Variants in MYOT observed in about 807,000 individuals in gnomAD.
MYOT encodes the protein myotilin.
A neutral mutation model predicts 58.0 loss-of-function variants in MYOT; 36 were observed. The observed-to-expected ratio is 0.62, with a 90% CI of 0.48 to 0.82. The LOEUF is 0.82. MYOT is among the 40% of genes least tolerant of loss of function. The probability of loss-of-function intolerance (pLI) is 0.00; values close to 1 mark genes in which losing one functional copy is unlikely to be tolerated. For missense variants in MYOT, 505 were observed against 592.1 expected, an observed-to-expected ratio of 0.85 and a Z score of 1.53; for synonymous variants, 218 against 204.6, an observed-to-expected ratio of 1.07 and a Z score of -0.56.
chr5:137,884,589 A>T (rs1755537545), intron 7 of MYOT, among the ~76,000 whole-genome samples: 1 of 152,166 alleles, frequency 6.6e-6, no homozygotes. Flanking sequence ...GAGTATCCCT[A>T]ATCCAAAAAT....
intron 7 of MYOT, among the ~76,000 whole-genome samples, chr5:137,885,646 C>T (rs945055831): frequency 6.6e-6 from 1 of 151,682 alleles, no homozygotes; most frequent in Non-Finnish European, 1.5e-5. Context: ...GTGGTGCACA[C>T]CTGTAATCCC....
At chr5:137,877,689 T>C (rs1755277446) in intron 4 of MYOT, 68 bp downstream of exon 4, 4 of 1,115,862 alleles carry the variant, frequency 3.6e-6, no homozygotes, top group Middle Eastern at 2.0e-4. Context: ...CTTTTCTAAA[T>C]GCTTATAAAT....
In MYOT at chr5:137,877,064, T is replaced by G. The variant is rs1755246873; in HGVS notation, c.532-456T>G. ...AAATGCTTTGAATGGAAGAAAAGACTTTAAAAAAAAAAAAATAGAATCAGC... is the reference window on the plus strand; with the variant it reads ...AAATGCTTTGAATGGAAGAAAAGACGTTAAAAAAAAAAAAATAGAATCAGC... On this transcript the variant is annotated intron_variant, in intron 3 of 9. Coordinates refer to ENST00000239926, the MANE Select transcript of MYOT (RefSeq NM_006790.3). Among the ~76,000 whole-genome samples, 3 of 147,150 alleles carry G rather than the reference T, an allele frequency of 2.0e-5. No homozygotes were observed. In the South Asian group the frequency reaches 6.3e-4, roughly 31 times the overall value.
At chr5:137,874,892 G>A (rs1369179339) in intron 2 of MYOT, among the ~76,000 whole-genome samples, 1 of 152,188 alleles carries the variant, frequency 6.6e-6, no homozygotes, top group Non-Finnish European at 1.5e-5. Context: ...CAATGACTGT[G>A]TAGACTCCAT....
chr5:137,883,179 A>G (rs1580863716), intron 6 of MYOT: 8 of 563,324 alleles, frequency 1.4e-5, no homozygotes, highest in Non-Finnish European at 2.2e-5. Context: ...ATGGTTTGAG[A>G]CAGTCTAAAA....
chr5:137,876,887 G>A (rs187190105), intron 3 of MYOT, among the ~76,000 whole-genome samples: 8 of 152,166 alleles, frequency 5.3e-5, no homozygotes, highest in Non-Finnish European at 1.0e-4. Context: ...AAGCTGACTG[G>A]AACATGCAGA....
chr5:137,882,491 C>A (rs1755469362), intron 6 of MYOT, among the ~76,000 whole-genome samples: 1 of 151,762 alleles, frequency 6.6e-6, no homozygotes. Flanking sequence ...CTCTGTCACC[C>A]AGGCTGGAGT....
At chr5:137,878,053 G>A (rs1411361992) in intron 4 of MYOT, among the ~76,000 whole-genome samples, 1 of 152,032 alleles carries the variant, frequency 6.6e-6, no homozygotes, top group Non-Finnish European at 1.5e-5. Context: ...TGGTACTAAT[G>A]AAACATCCAA....
At chr5:137,871,703 C>A (rs573378173) in intron 2 of MYOT, among the ~76,000 whole-genome samples, 1 of 152,270 alleles carries the variant, frequency 6.6e-6, no homozygotes, top group African/African-American at 2.4e-5. Flanking sequence ...AATACTGGGG[C>A]CTTATGTAAA....
chr5:137,885,285 G>T (rs536347307), intron 7 of MYOT, among the ~76,000 whole-genome samples: 12 of 152,034 alleles, frequency 7.9e-5, no homozygotes, highest in Admixed American at 6.6e-4. Context: ...TATTTTGTGT[G>T]GTAGACACAA....
intron 4 of MYOT, among the ~76,000 whole-genome samples, chr5:137,878,157 C>T (rs1755293006): frequency 6.6e-6 from 1 of 151,578 alleles, no homozygotes; most frequent in South Asian, 2.1e-4. Context: ...CAAATGTATC[C>T]TTTCCAAGAA....
chr5:137,868,945 T>C (rs1754956051), intron 1 of MYOT, among the ~76,000 whole-genome samples: 1 of 152,236 alleles, frequency 6.6e-6, no homozygotes, highest in South Asian at 2.1e-4. Flanking sequence ...TTAAGGAATA[T>C]TTAACTTTTT....
chr5:137,884,666 G>C (rs1755539500), intron 7 of MYOT, among the ~76,000 whole-genome samples: 1 of 152,016 alleles, frequency 6.6e-6, no homozygotes, highest in Admixed American at 6.6e-5. Context: ...GAGCATTCTG[G>C]ATTTTCAGGT....
At chr5:137,883,703 T>C (rs1336586070) in intron 7 of MYOT, 112 bp downstream of exon 7, 26 of 940,722 alleles carry the variant, frequency 2.8e-5, no homozygotes, top group Non-Finnish European at 4.2e-5. Flanking sequence ...TTAATGTCTA[T>C]ACAACCTATT....
At chr5:137,884,706 A>T (rs1479268320) in intron 7 of MYOT, among the ~76,000 whole-genome samples, 1 of 152,148 alleles carries the variant, frequency 6.6e-6, no homozygotes, top group African/African-American at 2.4e-5. Context: ...TAACGCTAAT[A>T]TTCTAAAATA....
Position 137,870,463 on chromosome 5 carries a change from G to T in MYOT, c.-189G>T. On this transcript the variant is annotated 5_prime_UTR_variant, in exon 2 of 10. Coordinates refer to ENST00000239926, the MANE Select transcript of MYOT (RefSeq NM_006790.3). ...AAGGAACAATATTCTTCAAGAGAAG[G>T]TCACTCTACCAAAGCCAGGAGCACA... The T allele has an allele frequency of 3.1e-6, 2 of 637,016 alleles. No homozygotes were observed. The highest frequency in any genetic ancestry group is 2.7e-5 in the Admixed American group (1 of 36,760). 39.5% of individuals were successfully genotyped at this position (637,016 alleles called of 1,614,324 possible).
intron 3 of MYOT, among the ~76,000 whole-genome samples, chr5:137,877,102 C>T (rs1444157543): frequency 2.0e-5 from 3 of 151,696 alleles, no homozygotes; most frequent in Non-Finnish European, 4.4e-5. Context: ...AGCGCAGTGG[C>T]TCACGCCTAT....
At position 137,880,801 on chromosome 5, in the gene MYOT, T is replaced by C. The variant is rs115598221; in HGVS notation, c.634-15T>C. 1.4e-4 allele frequency: 228 copies of C among 1,605,070 alleles called. 1 individual carries two copies. In the African/African-American group the frequency reaches 2.8e-3, roughly 20 times the overall value. On this transcript the variant is annotated splice_polypyrimidine_tract_variant and intron_variant, in intron 4 of 9. Transcript: ENST00000239926. ...CAATTGCATGTAAACATTCTTACTT[T>C]GTTTTAATTTCAAGCAACACAACTC...
At chr5:137,883,100 C>T (rs1755487082) in intron 6 of MYOT, 1 of 374,450 alleles carries the variant, frequency 2.7e-6, no homozygotes, top group African/African-American at 2.1e-5. Context: ...ACCAATGTAA[C>T]ATAAATTAAT....
Sources: allele counts gnomAD v4.1 joint callset (sites outside exome capture counted in the v4.1 genomes callset), GRCh38; gene constraint gnomAD v4.1.1; transcripts MANE v1.5; gene names NCBI Gene and HGNC (gene_info 2026-07-23, HGNC 2026-07-21).